DIS3L: variants seen among roughly 807,000 people sequenced by gnomAD.
The protein encoded by DIS3L is DIS3-like exonuclease 1.
In DIS3L, 100 loss-of-function variants were observed where a neutral mutation model predicts 120.3. That is an observed-to-expected ratio of 0.83 (90% CI 0.71 to 0.98). The LOEUF is 0.98. DIS3L is among the 50% of genes least tolerant of loss of function. DIS3L has a pLI of 0.00. For synonymous variants in DIS3L, 426 were observed against 470.6 expected, an observed-to-expected ratio of 0.91 and a Z score of 1.23; for missense variants, 1,196 against 1,314.2, an observed-to-expected ratio of 0.91 and a Z score of 1.39.
chr15:66,322,611 A>G, intron 9 of DIS3L, 76 bp from the exon 10 acceptor site: 1 of 1,573,842 alleles, frequency 6.4e-7, no homozygotes, highest in South Asian at 1.2e-5. Context: ...ATGTGGTCAT[A>G]CTGAGAATAT....
chr15:66,297,955 A>G (rs1020432939), intron 2 of DIS3L, among the ~76,000 whole-genome samples: 13 of 152,130 alleles, frequency 8.5e-5, no homozygotes, highest in African/African-American at 2.4e-4. Context: ...TAAGGCAGGT[A>G]GATCACTTGA....
intron 1 of DIS3L, chr15:66,294,193 A>G: frequency 2.0e-6 from 2 of 985,514 alleles, no homozygotes; most frequent in Non-Finnish European, 2.4e-6. Context: ...ACCTGCCCGC[A>G]CTGTTGCCCC....
chr15:66,300,302 A>G (rs981641920), intron 2 of DIS3L, among the ~76,000 whole-genome samples: 1 of 152,218 alleles, frequency 6.6e-6, no homozygotes, highest in Non-Finnish European at 1.5e-5. Flanking sequence ...TAAAAACATC[A>G]TATGTTGTAT....
At chr15:66,307,003 C>T in intron 3 of DIS3L, 51 bp downstream of exon 3, 1 of 1,604,618 alleles carries the variant, frequency 6.2e-7, no homozygotes, top group South Asian at 1.1e-5. Flanking sequence ...CTTTCATTTC[C>T]TCATCATTGG....
At position 66,315,035 on chromosome 15, in the gene DIS3L, G is replaced by C; in HGVS notation, c.815-1G>C. 1 of 1,613,618 alleles carries C rather than the reference G, an allele frequency of 6.2e-7. No homozygotes were observed. The highest frequency in any genetic ancestry group is 2.2e-5 in the East Asian group (1 of 44,878). On this transcript the variant is annotated splice_acceptor_variant, in intron 6 of 16. Transcript: ENST00000319212. LOFTEE classifies it high-confidence loss of function. ...TTTTTTCTGTGCTGCCCCAAACACAGATTTAGTCAGTGACATCCTAATCCA... is the reference window on the plus strand; with the variant it reads ...TTTTTTCTGTGCTGCCCCAAACACACATTTAGTCAGTGACATCCTAATCCA...
intron 14 of DIS3L, chr15:66,330,440 C>T (rs2092988349): frequency 2.0e-6 from 2 of 985,260 alleles, no homozygotes. Context: ...CAAGATTGCA[C>T]AGCATAGAAC....
intron 9 of DIS3L, 26 bp downstream of exon 9, chr15:66,320,758 C>A (rs369903476): frequency 1.9e-6 from 3 of 1,595,612 alleles, no homozygotes; most frequent in Non-Finnish European, 2.6e-6. Context: ...AGGCTTTGAT[C>A]TAGTGACATT....
chr15:66,299,208 G>A (rs1389879650), intron 2 of DIS3L, among the ~76,000 whole-genome samples: 1 of 152,192 alleles, frequency 6.6e-6, no homozygotes, highest in East Asian at 1.9e-4. Flanking sequence ...AGGGATGTCA[G>A]GGAAAACTTT....
At chr15:66,328,913 T>C in intron 12 of DIS3L, 57 bp from the exon 13 acceptor site, 1 of 1,561,794 alleles carries the variant, frequency 6.4e-7, no homozygotes, top group Non-Finnish European at 8.6e-7. Context: ...CCCCTCAAAG[T>C]GTTGTCTTGT....
At position 66,321,778 on chromosome 15, in the gene DIS3L, A is replaced by G. The variant is rs1016689670; in HGVS notation, c.1327-909A>G. The stretch of plus-strand genomic sequence containing the variant: ...GAGACTGTCTCAAAAAAAAAAAAAA[A>G]AATGTTACTTTGAACATTTTTATAA... On this transcript the variant is annotated intron_variant, in intron 9 of 16. Transcript: ENST00000319212. Among the ~76,000 whole-genome samples the G allele has an allele frequency of 5.3e-5, 8 of 152,100 alleles. No individual in the cohort carries two copies. In the East Asian group the frequency reaches 1.5e-3, roughly 29 times the overall value.
rs751055308 is a variant in DIS3L, at chr15:66,332,789, C to T, written c.2735C>T (p.Ser912Leu). 8.7e-6 allele frequency: 14 copies of T among 1,613,822 alleles called. No homozygotes were observed. In the Admixed American group the frequency reaches 2.2e-4, roughly 25 times the overall value. Residue 912 changes from serine (S) to leucine (L), a missense_variant, in exon 16 of 17, where the codon TCA becomes TTA. By Grantham distance (145) the Ser-to-Leu change is moderately radical. Transcript: ENST00000319212. ...YLKNKDGLVISCGPDSCSEWK... is the reference protein window; with the variant it reads ...YLKNKDGLVILCGPDSCSEWK... The stretch of plus-strand genomic sequence containing the variant: ...AAAAATAAAGATGGTTTAGTCATCT[C>T]ATGTGGCCCAGATAGCTGTTCTGAA...
rs140161828 is a variant in DIS3L, at chr15:66,314,198, G to A, written c.814+81G>A. The A allele has an allele frequency of 9.5e-4, 1,130 of 1,194,346 alleles. 8 individuals carry two copies. The East Asian group carries it at 0.019, about 20-fold the overall frequency. 74.0% of individuals were successfully genotyped at this position (1,194,346 alleles called of 1,614,324 possible). On this transcript the variant is annotated intron_variant, in intron 6 of 16. Coordinates refer to ENST00000319212, the MANE Select transcript of DIS3L (RefSeq NM_001143688.3). ...CAATGAAGAAAGCAAAGTTGAAATT[G>A]TCATGTCATATGTGCCCTGTTATGT...
chr15:66,320,681 AAC>A lies in DIS3L; in HGVS notation c.1276_1277del (p.Thr426HisfsTer19). ...RIGDLEGEIA[T>X]ILVENSISVI... ...TCGGAGATCTGGAAGGGGAAATTGCAACCATCCTGGTGGAAAACAGTATTTCA... is the reference window on the plus strand; with the variant it reads ...TCGGAGATCTGGAAGGGGAAATTGCACATCCTGGTGGAAAACAGTATTTCA... On this transcript the variant is annotated frameshift_variant, in exon 9 of 17. Transcript: ENST00000319212. LOFTEE classifies it high-confidence loss of function. 6.2e-7 allele frequency: 1 copy of A among 1,614,116 alleles called. No individual in the cohort carries two copies. Among genetic ancestry groups the A allele is most frequent in the African/African-American group, 1.3e-5 (1 of 75,050 alleles).
chr15:66,298,203 A>AG (rs2092609968), intron 2 of DIS3L, among the ~76,000 whole-genome samples: 1 of 151,578 alleles, frequency 6.6e-6, no homozygotes, highest in African/African-American at 2.4e-5. Context: ...AAAAAAAAAA[A>AG]AAAGATTGAA....
At chr15:66,302,261 G>C (rs929544696) in intron 2 of DIS3L, among the ~76,000 whole-genome samples, 1 of 152,198 alleles carries the variant, frequency 6.6e-6, no homozygotes, top group Non-Finnish European at 1.5e-5. Flanking sequence ...CTAGCTGCTT[G>C]TGAGGCTGAG....
intron 2 of DIS3L, among the ~76,000 whole-genome samples, chr15:66,306,603 T>G (rs1285702202): frequency 1.3e-5 from 2 of 152,090 alleles, no homozygotes; most frequent in African/African-American, 4.8e-5. Context: ...GCAAACTAAT[T>G]AACTAGGCCC....
chr15:66,302,354 G>A (rs562074746), intron 2 of DIS3L, among the ~76,000 whole-genome samples: 42 of 152,064 alleles, frequency 2.8e-4, no homozygotes, highest in Non-Finnish European at 5.4e-4. Flanking sequence ...GCAACAGAGC[G>A]AGTTCCTGTC....
At position 66,325,919 on chromosome 15, in the gene DIS3L, T is replaced by C; in HGVS notation, c.1756T>C (p.Tyr586His). The change falls in exon 12 of 17, where the codon TAC (tyrosine) becomes CAC (histidine). Residue 586 changes from tyrosine (Y) to histidine (H), a missense_variant. Coordinates refer to ENST00000319212, the MANE Select transcript of DIS3L (RefSeq NM_001143688.3). ...WYGRTIIRSA[Y>H]KLFYEAAQEL... Reference sequence around the variant, plus strand: ...TGGCAGAACCATTATTCGATCAGCATACAAACTGTTCTATGAAGCAGCCCA... The same window carrying C: ...TGGCAGAACCATTATTCGATCAGCACACAAACTGTTCTATGAAGCAGCCCA... 6.2e-7 allele frequency: 1 copy of C among 1,614,186 alleles called. No homozygotes were observed. The highest frequency in any genetic ancestry group is 1.1e-5 in the South Asian group (1 of 91,088).
Position 66,329,055 on chromosome 15 carries a change from A to G in DIS3L, c.2287A>G (p.Thr763Ala). The G allele has an allele frequency of 1.9e-6, 3 of 1,614,216 alleles. No homozygotes were observed. Among genetic ancestry groups the G allele is most frequent in the Non-Finnish European group, 2.5e-6 (3 of 1,180,026 alleles). The change falls in exon 13 of 17, where the codon ACG becomes GCG. Residue 763 changes from threonine (T) to alanine (A), a missense_variant. Transcript: ENST00000319212. ...IVNRLLRSMATQAMSNALYFS... is the reference protein window; with the variant it reads ...IVNRLLRSMAAQAMSNALYFS... ...GAACAGGCTACTGCGCTCCATGGCC[A>G]CGCAGGCCATGTCGAATGCTCTGTA...
Sources: gnomAD v4.1 joint callset for allele counts (sites outside exome capture counted in the v4.1 genomes callset) on GRCh38, gnomAD v4.1.1 for gene constraint, MANE v1.5 for transcripts, NCBI Gene and HGNC (gene_info 2026-07-23, HGNC 2026-07-21) for gene names.